The following PGS1 variants were observed in gnomAD, a reference collection of about 807,000 sequenced individuals.
The protein encoded by PGS1 is phosphatidylglycerophosphate synthase 1, also known as CDP-diacylglycerol--glycerol-3-phosphate 3-phosphatidyltransferase, mitochondrial.
A neutral mutation model predicts 58.3 loss-of-function variants in PGS1; 44 were observed. The observed-to-expected ratio is 0.75, with a 90% CI of 0.59 to 0.97. PGS1 has a LOEUF of 0.97. Among genes scored for constraint, PGS1 ranks in the 50% least tolerant of loss-of-function variants. PGS1 has a pLI of 0.00. For synonymous variants in PGS1, 330 were observed against 311.0 expected (o/e 1.06, Z -0.64); for missense variants, 684 against 731.1 (o/e 0.94, Z 0.74).
intron 2 of PGS1, among the ~76,000 whole-genome samples, chr17:78,393,394 T>C (rs2082980471): frequency 6.6e-6 from 1 of 152,184 alleles, no homozygotes; most frequent in South Asian, 2.1e-4. Flanking sequence ...CTGATTCCTT[T>C]TCCTCCATGG....
chr17:78,391,528 G>A (rs917081434), intron 1 of PGS1, among the ~76,000 whole-genome samples: 8 of 151,818 alleles, frequency 5.3e-5, no homozygotes, highest in Admixed American at 3.9e-4. Flanking sequence ...CCCAGGCTGG[G>A]GTGCAGTGGT....
At chr17:78,414,855 C>T in intron 7 of PGS1, 24 bp from the exon 8 acceptor site, 1 of 1,612,784 alleles carries the variant, frequency 6.2e-7, no homozygotes, top group Non-Finnish European at 8.5e-7. Flanking sequence ...CATTTCCTGT[C>T]TGCACGTTTC....
chr17:78,407,949 A>G (rs2084296897), intron 7 of PGS1, among the ~76,000 whole-genome samples: 1 of 152,194 alleles, frequency 6.6e-6, no homozygotes, highest in African/African-American at 2.4e-5. Context: ...TTTATTCTTA[A>G]GGGTTTTCTG....
At chr17:78,413,727 G>C (rs2084929314) in intron 7 of PGS1, among the ~76,000 whole-genome samples, 1 of 152,212 alleles carries the variant, frequency 6.6e-6, no homozygotes, top group African/African-American at 2.4e-5. Context: ...CGTGTCCTTG[G>C]GATGCTAGGT....
chr17:78,399,565 T>G (rs750865534), intron 5 of PGS1, 28 bp downstream of exon 5: 1 of 1,610,504 alleles, frequency 6.2e-7, no homozygotes, highest in South Asian at 1.1e-5. Context: ...TCAGTGCTTT[T>G]GCCCTCCTGC....
chr17:78,402,840 T>C (rs2083796857), intron 6 of PGS1, among the ~76,000 whole-genome samples: 1 of 152,242 alleles, frequency 6.6e-6, no homozygotes, highest in South Asian at 2.1e-4. Flanking sequence ...AGTTGGATGC[T>C]TAACTCATTA....
At chr17:78,399,116 G>T (rs78096218) in intron 4 of PGS1, among the ~76,000 whole-genome samples, 1 of 152,248 alleles carries the variant, frequency 6.6e-6, no homozygotes, top group Non-Finnish European at 1.5e-5. Flanking sequence ...TGGGTGCTGT[G>T]TGGCAAGAAG....
intron 1 of PGS1, among the ~76,000 whole-genome samples, chr17:78,383,995 G>A (rs1244592752): frequency 6.6e-6 from 1 of 152,240 alleles, no homozygotes; most frequent in African/African-American, 2.4e-5. Context: ...GGTGCTGGGA[G>A]TCAGGCTGAC....
At chr17:78,419,482 G>A in intron 8 of PGS1, 64 bp from the exon 9 acceptor site, 1 of 1,458,152 alleles carries the variant, frequency 6.9e-7, no homozygotes. Context: ...GCTGGGGCCA[G>A]CCGGCCATGT....
intron 5 of PGS1, 128 bp downstream of exon 5, chr17:78,399,665 C>T: frequency 8.3e-6 from 7 of 839,984 alleles, no homozygotes; most frequent in Non-Finnish European, 1.3e-5. Flanking sequence ...GGCTGCTGTG[C>T]ACCCGCGGCA....
chr17:78,380,732 C>T (rs974746209), intron 1 of PGS1: 2 of 152,178 alleles, frequency 1.3e-5, no homozygotes, highest in Non-Finnish European at 2.9e-5. Context: ...ATATGAAAAA[C>T]ACTTCATTAT....
intron 3 of PGS1, 84 bp from the exon 4 acceptor site, chr17:78,398,168 C>G (rs548846530): frequency 4.1e-6 from 4 of 976,936 alleles, no homozygotes; most frequent in South Asian, 1.3e-5. Context: ...GACGAGGGCA[C>G]TAGCCGATGG....
At position 78,403,673 on chromosome 17, in the gene PGS1, A is replaced by G. The variant is rs555310009; in HGVS notation, c.986A>G (p.Asn329Ser). The G allele has an allele frequency of 5.0e-6, 8 of 1,613,984 alleles. No homozygotes were observed. Among genetic ancestry groups the G allele is most frequent in the East Asian group, 2.2e-5 (1 of 44,874 alleles). ...QMLHAQTFHS[N>S]SLLTQEDAAA... ...CTGCATGCCCAGACCTTCCACAGCAACTCTCTTTTGACCCAGGAAGATGCA... is the reference window on the plus strand; with the variant it reads ...CTGCATGCCCAGACCTTCCACAGCAGCTCTCTTTTGACCCAGGAAGATGCA... The change falls in exon 7 of 10, where the codon AAC becomes AGC. Residue 329 changes from asparagine to serine, a missense_variant. Asn to Ser is a conservative substitution (Grantham distance 46). Transcript: ENST00000262764.
chr17:78,385,388 A>G (rs1342139442), intron 1 of PGS1, among the ~76,000 whole-genome samples: 2 of 151,828 alleles, frequency 1.3e-5, no homozygotes, highest in African/African-American at 4.8e-5. Flanking sequence ...TGCCGAGTTC[A>G]TGCCATTCTC....
At chr17:78,389,343 A>G (rs893986520) in intron 1 of PGS1, among the ~76,000 whole-genome samples, 2 of 151,620 alleles carry the variant, frequency 1.3e-5, no homozygotes, top group African/African-American at 4.8e-5. Context: ...GTGCGCCACC[A>G]TGCCCGGCTA....
chr17:78,387,659 G>A lies in PGS1; in HGVS notation c.144-4817G>A, dbSNP rs555553266. Among the ~76,000 whole-genome samples the A allele has an allele frequency of 2.0e-5, 3 of 149,916 alleles. No homozygotes were observed. The Admixed American group carries it at 2.0e-4, about 10-fold the overall frequency. On this transcript the variant is annotated intron_variant, in intron 1 of 9. Coordinates refer to ENST00000262764, the MANE Select transcript of PGS1 (RefSeq NM_024419.5). ...CTGTCGCCCAGGCTGGAGTGCAGTGGCACAATCTTGGCTCACTGCAGCTTC... is the reference window on the plus strand; with the variant it reads ...CTGTCGCCCAGGCTGGAGTGCAGTGACACAATCTTGGCTCACTGCAGCTTC...
rs757346608 is a variant in PGS1, at chr17:78,396,337, C to G, written c.363C>G (p.Val121=). The G allele has an allele frequency of 1.9e-6, 3 of 1,613,714 alleles. No homozygotes were observed. Among genetic ancestry groups the G allele is most frequent in the East Asian group, 2.2e-5 (1 of 44,870 alleles). Residue 121 remains valine (V), a synonymous_variant, in exon 3 of 10, where the codon GTC becomes GTG. Coordinates refer to ENST00000262764, the MANE Select transcript of PGS1 (RefSeq NM_024419.5). The part of the protein sequence containing the change: ...KGQIRVAKRR[V]VMASLYLGTG... ...AGATAAGAGTAGCCAAGAGGCGGGT[C>G]GTGATGGCATCCCTCTACCTGGGGA...
chr17:78,410,003 C>A (rs4969144), intron 7 of PGS1, among the ~76,000 whole-genome samples: 84,287 of 152,036 alleles, frequency 0.55, 23,435 homozygotes, highest in Middle Eastern at 0.62. Flanking sequence ...CCCGGCTACT[C>A]GGGAGGTTGA....
intron 7 of PGS1, among the ~76,000 whole-genome samples, chr17:78,407,924 T>G (rs186305552): frequency 6.6e-6 from 1 of 152,194 alleles, no homozygotes; most frequent in Non-Finnish European, 1.5e-5. Flanking sequence ...TGACAGAAAA[T>G]TCAGAGGGCT....
Sources: gnomAD v4.1 joint callset for allele counts (sites outside exome capture counted in the v4.1 genomes callset) on GRCh38, gnomAD v4.1.1 for gene constraint, MANE v1.5 for transcripts, NCBI Gene and HGNC (gene_info 2026-07-23, HGNC 2026-07-21) for gene names.